The following DMBT1 variants were observed in gnomAD, a reference collection of about 807,000 sequenced individuals.
DMBT1 encodes the protein deleted in malignant brain tumors 1.
A neutral mutation model predicts 252.9 loss-of-function variants in DMBT1; 198 were observed. That is an observed-to-expected ratio of 0.78 (90% CI 0.70 to 0.88). The LOEUF is 0.88. DMBT1 is among the 40% of genes least tolerant of loss of function. The pLI is 0.00. For missense variants in DMBT1, 2,432 were observed against 2,404.7 expected (o/e 1.01, Z -0.24); for synonymous variants, 990 against 942.7 (o/e 1.05, Z -0.92).
In DMBT1 at chr10:122,636,212, G is replaced by A. The variant is rs373615072; in HGVS notation, c.6757+13G>A. On this transcript the variant is annotated intron_variant, in intron 53 of 55. Coordinates refer to ENST00000338354, the MANE Select transcript of DMBT1 (RefSeq NM_001377530.1). ...AATGACAGCACCAGTAAGTCCCCTT[G>A]TGGAAATGCTCTGTTGGGACTGGGG... 6.2e-6 allele frequency: 10 copies of A among 1,605,564 alleles called. No homozygotes were observed. The East Asian group carries it at 8.9e-5, about 14-fold the overall frequency.
intron 26 of DMBT1, among the ~76,000 whole-genome samples, chr10:122,599,757 T>A (rs2097922672): frequency 6.6e-6 from 1 of 152,048 alleles, no homozygotes; most frequent in South Asian, 2.1e-4. Context: ...TTGGCTGGAG[T>A]GGCTTCCTCA....
chr10:122,571,429 A>G (rs1565572218), intron 4 of DMBT1, among the ~76,000 whole-genome samples: 1 of 152,062 alleles, frequency 6.6e-6, no homozygotes, highest in Non-Finnish European at 1.5e-5. Context: ...GCTTTGGAGG[A>G]TGGGGGAACT....
chr10:122,577,971 C>A, intron 8 of DMBT1, 131 bp downstream of exon 8: 1 of 977,126 alleles, frequency 1.0e-6, no homozygotes, highest in Non-Finnish European at 1.5e-6. Flanking sequence ...AACTCTGTAA[C>A]TGAGACCCTA....
intron 25 of DMBT1, among the ~76,000 whole-genome samples, chr10:122,598,402 A>T (rs993286950): frequency 1.3e-5 from 2 of 152,032 alleles, no homozygotes; most frequent in Admixed American, 1.3e-4. Flanking sequence ...TACCTGTGAA[A>T]TTTTCAGAAG....
In DMBT1 at chr10:122,566,100, G is replaced by A. The variant is rs924006112; in HGVS notation, c.91+104G>A. The A allele has an allele frequency of 6.2e-6, 8 of 1,284,268 alleles. No individual in the cohort carries two copies. The Admixed American group carries it at 7.2e-5, about 12-fold the overall frequency. The allele number at this position is 1,284,268 out of a possible 1,614,324, so 79.6% of individuals were successfully genotyped here. A position where few individuals can be genotyped will look rare whatever the true frequency, so the allele number is the denominator to read the frequency against. On this transcript the variant is annotated intron_variant, in intron 2 of 55. Coordinates refer to ENST00000338354, the MANE Select transcript of DMBT1 (RefSeq NM_001377530.1). The stretch of plus-strand genomic sequence containing the variant: ...GCACAGCTGAGGTCACAGAGCAAAC[G>A]CCTGCCTTGTCGAATGCAGGAATGC...
intron 49 of DMBT1, 129 bp from the exon 50 acceptor site, chr10:122,631,726 G>T (rs2098166548): frequency 3.3e-6 from 3 of 900,622 alleles, no homozygotes; most frequent in Non-Finnish European, 3.5e-6. Context: ...AGCAATTGCT[G>T]GGTGGACCTG....
intron 46 of DMBT1, among the ~76,000 whole-genome samples, chr10:122,628,154 A>C (rs2098131886): frequency 6.6e-6 from 1 of 152,228 alleles, no homozygotes; most frequent in South Asian, 2.1e-4. Context: ...ATGACCCAGC[A>C]GTTGTATTCC....
chr10:122,634,767 G>A lies in DMBT1; in HGVS notation c.6549-1224G>A, dbSNP rs2098212868. On this transcript the variant is annotated intron_variant, in intron 52 of 55. Transcript: ENST00000338354. ...CCACCTCGGCCTCCCAAAGTGCTGG[G>A]ATTACAGGTGTGAGCCACCATGCCT... Among the ~76,000 whole-genome samples, 3 of 152,112 alleles carry A rather than the reference G, an allele frequency of 2.0e-5. No individual in the cohort carries two copies. The South Asian group carries it at 6.2e-4, about 32-fold the overall frequency.
chr10:122,598,198 CTGGTGACTTGTCTCCCG>C (rs1432091078), intron 25 of DMBT1, among the ~76,000 whole-genome samples, 186 bp downstream of exon 25: 9 of 152,064 alleles, frequency 5.9e-5, no homozygotes, highest in Non-Finnish European at 1.2e-4. Flanking sequence ...CTGGAGGGTG[CTGGTGACTTGTCTCCCG>C]TGGAATCCTG....
At chr10:122,563,466 A>T (rs1314563043) in intron 1 of DMBT1, among the ~76,000 whole-genome samples, 2 of 152,102 alleles carry the variant, frequency 1.3e-5, no homozygotes. Flanking sequence ...GAGTAAACTT[A>T]GTAGGAAGGT....
At chr10:122,588,409 A>T (rs931358337) in intron 16 of DMBT1, among the ~76,000 whole-genome samples, 2 of 148,106 alleles carry the variant, frequency 1.4e-5, no homozygotes, top group South Asian at 4.6e-4. Context: ...AAGAAAAAAA[A>T]AAAAGATCCT....
rs942198439 is a variant in DMBT1, at chr10:122,585,620, T to C, written c.1459+311T>C. 3.4e-5 allele frequency among the ~76,000 whole-genome samples: 5 copies of C among 148,662 alleles called. 1 individual carries two copies. The highest frequency in any genetic ancestry group is 1.2e-4 in the African/African-American group (5 of 41,098). On this transcript the variant is annotated intron_variant, in intron 15 of 55. Transcript: ENST00000338354. ...GACCTCATTCCTGTCCCTCAGCCCA[T>C]GGGCTGCAGAGGTGTGAAGAGTCAG...
chr10:122,586,419 G>A (rs2097790046), intron 16 of DMBT1, 36 bp downstream of exon 16: 1 of 1,584,952 alleles, frequency 6.3e-7, no homozygotes, highest in Non-Finnish European at 8.6e-7. Flanking sequence ...CTCTCTTGGG[G>A]TAGATTTTGC....
intron 43 of DMBT1, 27 bp downstream of exon 43, chr10:122,620,318 GGGC>G: frequency 6.2e-7 from 1 of 1,613,098 alleles, no homozygotes; most frequent in South Asian, 1.1e-5. Flanking sequence ...CCCCTCCCTA[GGGC>G]TCACTCTCTA....
chr10:122,621,024 G>A (rs777594814), intron 43 of DMBT1, 33 bp from the exon 44 acceptor site: 1 of 1,611,898 alleles, frequency 6.2e-7, no homozygotes, highest in Non-Finnish European at 8.5e-7. Context: ...CTCATAATCA[G>A]TATGGATGAA....
chr10:122,592,685 G>T, intron 20 of DMBT1, 90 bp downstream of exon 20: 2 of 1,554,840 alleles, frequency 1.3e-6, no homozygotes, highest in South Asian at 2.5e-5. Context: ...CTCACTCAAA[G>T]ATTCTTCTAT....
rs369853325 is a variant in DMBT1, at chr10:122,598,830, C to A, written c.3013C>A (p.Arg1005=). 5 of 1,613,458 alleles carry A rather than the reference C, an allele frequency of 3.1e-6. No homozygotes were observed. The highest frequency in any genetic ancestry group is 2.2e-5 in the East Asian group (1 of 44,872). The change falls in exon 26 of 56, where the codon CGA becomes AGA. Residue 1005 remains arginine (R), a synonymous_variant. Coordinates refer to ENST00000338354, the MANE Select transcript of DMBT1 (RefSeq NM_001377530.1). ...LVNGGDRCQG[R]VEVLYQGSWG... ...GAATGGAGGTGACAGGTGTCAGGGC[C>A]GAGTGGAGGTCCTATACCAAGGCTC...
rs768797556 is a variant in DMBT1 at position 122,640,007 on chromosome 10, G to T, written c.6943-33G>T. 2.5e-6 allele frequency: 4 copies of T among 1,598,202 alleles called. No individual in the cohort carries two copies. The Admixed American group carries it at 5.1e-5, about 20-fold the overall frequency. ...GGGATTCCCTTAGCAGGTGACATGT[G>T]CCTGACTCTGCTCTCTTGCCTGCCT... is the stretch of plus-strand genomic sequence containing the variant. On this transcript the variant is annotated intron_variant, in intron 54 of 55. Transcript: ENST00000338354.
rs1591514699 is a variant in DMBT1 at position 122,625,304 on chromosome 10, G to T, written c.5635+1G>T. ...ACCCAAATAAATTCTACTACGACAG[G>T]TGAGTCTGCTACACCCCAGTCCAGC... is the stretch of plus-strand genomic sequence containing the variant. On this transcript the variant is annotated splice_donor_variant, in intron 45 of 55. Coordinates refer to ENST00000338354, the MANE Select transcript of DMBT1 (RefSeq NM_001377530.1). LOFTEE classifies it high-confidence loss of function. 3 of 1,610,558 alleles carry T rather than the reference G, an allele frequency of 1.9e-6. No individual in the cohort carries two copies. In the African/African-American group the frequency reaches 4.0e-5, roughly 22 times the overall value.
Sources: allele counts gnomAD v4.1 joint callset (sites outside exome capture counted in the v4.1 genomes callset), GRCh38; gene constraint gnomAD v4.1.1; transcripts MANE v1.5; gene names NCBI Gene and HGNC (gene_info 2026-07-23, HGNC 2026-07-21).